The following CCDC125 variants were observed in gnomAD, a reference collection of about 807,000 sequenced individuals.
The protein encoded by CCDC125 is coiled-coil domain containing 125.
Under a neutral mutation model 57.4 loss-of-function variants are expected in CCDC125, and 43 were observed. That is an observed-to-expected ratio of 0.75 (90% CI 0.59 to 0.97). The LOEUF (loss-of-function observed/expected upper bound fraction) is 0.97, where lower values mean the gene tolerates loss of function less well. Ranked by LOEUF, CCDC125 falls within the 50% of genes least tolerant of loss-of-function variation. CCDC125 has a pLI of 0.00. For synonymous variants in CCDC125, 187 were observed against 195.2 expected, an observed-to-expected ratio of 0.96 and a Z score of 0.35; for missense variants, 563 against 595.7, an observed-to-expected ratio of 0.95 and a Z score of 0.57.
At chr5:69,313,414 A>G (rs1488939858) in intron 3 of CCDC125, 12 of 1,525,048 alleles carry the variant, frequency 7.9e-6, no homozygotes, top group Non-Finnish European at 1.0e-5. Context: ...ACTGCCCCCC[A>G]GCTTCTCTGC....
At chr5:69,306,791 G>C (rs1271931450) in intron 6 of CCDC125, 26 bp downstream of exon 6, 1 of 1,375,198 alleles carries the variant, frequency 7.3e-7, no homozygotes, top group Non-Finnish European at 9.5e-7. Context: ...GGTTGTCAAA[G>C]AAAAATAATG....
At position 69,313,981 on chromosome 5, in the gene CCDC125, C is replaced by G. The variant is rs1324451601; in HGVS notation, c.366+4G>C. 6.3e-7 allele frequency: 1 copy of G among 1,599,864 alleles called. No homozygotes were observed. Among genetic ancestry groups the G allele is most frequent in the East Asian group, 2.2e-5 (1 of 44,824 alleles). On this transcript the variant is annotated splice_donor_region_variant and intron_variant, in intron 3 of 11. Transcript: ENST00000396496. ...ATAATTTTTATATTAGCCAGAGTAC[C>G]TACCTCTAAAGTTTCATTAAGACAT... is the stretch of plus-strand genomic sequence containing the variant.
At chr5:69,328,825 G>A (rs938061204) in intron 1 of CCDC125, among the ~76,000 whole-genome samples, 3 of 149,082 alleles carry the variant, frequency 2.0e-5, no homozygotes, top group Admixed American at 1.3e-4. Flanking sequence ...ATGGAGTCTC[G>A]CTTTGTCACC....
chr5:69,295,831 C>G (rs752450432), intron 8 of CCDC125, among the ~76,000 whole-genome samples: 16 of 152,052 alleles, frequency 1.1e-4, no homozygotes, highest in Non-Finnish European at 1.5e-5. Flanking sequence ...CCATACTTCC[C>G]TAAACATTGT....
intron 2 of CCDC125, among the ~76,000 whole-genome samples, chr5:69,315,008 C>A (rs1297652842): frequency 5.3e-5 from 8 of 152,102 alleles, no homozygotes. Context: ...GTAATCCCAG[C>A]ACTTTCGGAG....
chr5:69,318,262 G>C (rs1759447542), intron 2 of CCDC125, among the ~76,000 whole-genome samples: 3 of 151,614 alleles, frequency 2.0e-5, no homozygotes, highest in African/African-American at 7.3e-5. Context: ...TTACAGGCGT[G>C]AGCCACAGCA....
At chr5:69,305,466 G>C (rs946388604) in intron 6 of CCDC125, among the ~76,000 whole-genome samples, 12 of 152,152 alleles carry the variant, frequency 7.9e-5, no homozygotes, top group African/African-American at 2.9e-4. Flanking sequence ...ACCTGCCTCA[G>C]CCTCCCAAAA....
At chr5:69,312,047 C>T (rs1457302435) in intron 3 of CCDC125, among the ~76,000 whole-genome samples, 1 of 152,162 alleles carries the variant, frequency 6.6e-6, no homozygotes, top group East Asian at 1.9e-4. Context: ...AGTTGGCTTT[C>T]ATGTTGTTTA....
rs1752533503 is a variant in CCDC125 at position 69,282,093 on chromosome 5, T to C, written c.*636A>G. 6.6e-6 allele frequency: 1 copy of C among 152,122 alleles called. No homozygotes were observed. The highest frequency in any genetic ancestry group is 6.6e-5 in the Admixed American group (1 of 15,262). The allele number at this position is 152,122 out of a possible 1,614,324, so 9.4% of individuals were successfully genotyped here. A position where few individuals can be genotyped will look rare whatever the true frequency, so the allele number is the denominator to read the frequency against. ...TTTTAGTAGAGATGGGGTTTCTCCATGTTGGTCAGACTGGTCTTGAACTCC... is the reference window on the plus strand; with the variant it reads ...TTTTAGTAGAGATGGGGTTTCTCCACGTTGGTCAGACTGGTCTTGAACTCC... On this transcript the variant is annotated 3_prime_UTR_variant, in exon 12 of 12. Transcript: ENST00000396496.
chr5:69,285,415 C>T lies in CCDC125; in HGVS notation c.1152G>A (p.Met384Ile). 1.2e-6 allele frequency: 2 copies of T among 1,610,404 alleles called. No individual in the cohort carries two copies. The highest frequency in any genetic ancestry group is 1.7e-6 in the Non-Finnish European group (2 of 1,178,564). Residue 384 changes from methionine to isoleucine, a missense_variant, in exon 11 of 12, where the codon ATG becomes ATA. By Grantham distance (10) the Met-to-Ile change is conservative (BLOSUM62 1). Coordinates refer to ENST00000396496, the MANE Select transcript of CCDC125 (RefSeq NM_176816.5). ...KKTFGQRLLG[M>I]LPSENSSKRM... ...TCTTAGAACTGTTTTCTGAAGGGAG[C>T]ATACCCAACAGTCTCTGCCCGAAGG... is the stretch of plus-strand genomic sequence containing the variant.
intron 6 of CCDC125, among the ~76,000 whole-genome samples, chr5:69,304,936 G>A (rs1757096075): frequency 6.6e-6 from 1 of 151,870 alleles, no homozygotes; most frequent in Non-Finnish European, 1.5e-5. Flanking sequence ...TATAAAAAAT[G>A]TACCACTCTG....
At chr5:69,320,607 GAA>G in intron 1 of CCDC125, 27 bp from the exon 2 acceptor site, 1 of 1,034,442 alleles carries the variant, frequency 9.7e-7, no homozygotes, top group South Asian at 1.5e-5. Flanking sequence ...CAGTAGTTAG[GAA>G]AACATCAGTA....
intron 1 of CCDC125, among the ~76,000 whole-genome samples, chr5:69,331,102 T>C (rs540408889): frequency 1.3e-5 from 2 of 151,930 alleles, no homozygotes; most frequent in African/African-American, 4.8e-5. Context: ...CAGGAGTTTG[T>C]GACCAGCCTG....
rs373536684 is a variant in CCDC125 at position 69,317,622 on chromosome 5, A to G, written c.304+2615T>C. ...CATAGATTACAAAATATTTAGCCAG[A>G]TAACAGCTGGTGCCATGGTACAGGC... is the stretch of plus-strand genomic sequence containing the variant. On this transcript the variant is annotated intron_variant, in intron 2 of 11. Coordinates refer to ENST00000396496, the MANE Select transcript of CCDC125 (RefSeq NM_176816.5). 3.2e-4 allele frequency among the ~76,000 whole-genome samples: 49 copies of G among 152,326 alleles called. 1 individual carries two copies. The highest frequency in any genetic ancestry group is 1.1e-3 in the African/African-American group (45 of 41,582).
intron 4 of CCDC125, chr5:69,309,610 G>A (rs1757843594): frequency 6.6e-6 from 1 of 152,300 alleles, no homozygotes; most frequent in Non-Finnish European, 1.5e-5. Flanking sequence ...GGAGAACCGG[G>A]GCTAGGGCAC....
At chr5:69,323,488 T>C (rs987153098) in intron 1 of CCDC125, among the ~76,000 whole-genome samples, 14 of 152,186 alleles carry the variant, frequency 9.2e-5, no homozygotes, top group African/African-American at 2.9e-4. Flanking sequence ...CTCTGAGTCC[T>C]GCAAATTCGT....
intron 10 of CCDC125, 108 bp from the exon 11 acceptor site, chr5:69,285,575 C>G: frequency 9.0e-7 from 1 of 1,116,244 alleles, no homozygotes; most frequent in Non-Finnish European, 1.3e-6. Context: ...CAGGAGCACA[C>G]AGTGGAATGT....
chr5:69,315,454 AAAAAAAAC>A, intron 2 of CCDC125, among the ~76,000 whole-genome samples: 1 of 8,690 alleles, frequency 1.2e-4, no homozygotes, highest in Non-Finnish European at 7.1e-4. Context: ...AAAAAACAAA[AAAAAAAAC>A]AAAAAAAAAA....
At chr5:69,329,178 A>G (rs1348670148) in intron 1 of CCDC125, among the ~76,000 whole-genome samples, 2 of 151,156 alleles carry the variant, frequency 1.3e-5, no homozygotes, top group East Asian at 4.0e-4. Context: ...GGATTAAAGT[A>G]TTTATTTTTA....
Sources: allele counts gnomAD v4.1 joint callset (sites outside exome capture counted in the v4.1 genomes callset), GRCh38; gene constraint gnomAD v4.1.1; transcripts MANE v1.5; gene names NCBI Gene and HGNC (gene_info 2026-07-23, HGNC 2026-07-21).